The following SPINK13 variants were observed in gnomAD, a reference collection of about 807,000 sequenced individuals.
The protein encoded by SPINK13 is serine protease inhibitor Kazal-type 13.
A neutral mutation model predicts 11.0 loss-of-function variants in SPINK13; 11 were observed. The observed-to-expected ratio is 1.00, with a 90% CI of 0.63 to 1.65. SPINK13 has a LOEUF of 1.65. Among genes scored for constraint, SPINK13 ranks in the 40% most tolerant of loss-of-function variants. The pLI, the probability that SPINK13 is intolerant of heterozygous loss-of-function variation, is 0.00. For synonymous variants in SPINK13, 31 were observed against 35.6 expected, an observed-to-expected ratio of 0.87 and a Z score of 0.46; for missense variants, 113 against 117.7, an observed-to-expected ratio of 0.96 and a Z score of 0.19.
intron 1 of SPINK13, among the ~76,000 whole-genome samples, chr5:148,269,157 G>A (rs1396344537): frequency 6.6e-6 from 1 of 152,180 alleles, no homozygotes; most frequent in Non-Finnish European, 1.5e-5. Context: ...TTCTCCCTGG[G>A]CCTAAATATT....
At chr5:148,272,185 T>C (rs1756361081) in intron 2 of SPINK13, among the ~76,000 whole-genome samples, 1 of 152,162 alleles carries the variant, frequency 6.6e-6, no homozygotes, top group South Asian at 2.1e-4. Context: ...AATATTCTTA[T>C]ACATGTTTTT....
intron 2 of SPINK13, among the ~76,000 whole-genome samples, chr5:148,273,050 A>G (rs1756373748): frequency 1.3e-5 from 2 of 152,126 alleles, no homozygotes; most frequent in Non-Finnish European, 2.9e-5. Context: ...TTTAATTAGC[A>G]TTTTTCTTAG....
intron 3 of SPINK13, among the ~76,000 whole-genome samples, chr5:148,279,897 T>C (rs1353635570): frequency 6.6e-6 from 1 of 152,186 alleles, no homozygotes; most frequent in Non-Finnish European, 1.5e-5. Flanking sequence ...GGTTCCATTC[T>C]CCCCATCACT....
At chr5:148,275,860 AC>A (rs1440924743) in intron 3 of SPINK13, among the ~76,000 whole-genome samples, 4 of 151,812 alleles carry the variant, frequency 2.6e-5, no homozygotes, top group African/African-American at 9.7e-5. Flanking sequence ...ACGGGGTTTC[AC>A]CATGTTAGCC....
intron 2 of SPINK13, among the ~76,000 whole-genome samples, chr5:148,271,912 C>T (rs145237170): frequency 0.038 from 5,808 of 152,274 alleles, 375 homozygotes; most frequent in African/African-American, 0.13. Context: ...CGTGAGCCAC[C>T]ACGCCTGGCC....
chr5:148,284,465 T>G (rs544602409), intron 4 of SPINK13, among the ~76,000 whole-genome samples: 1 of 152,320 alleles, frequency 6.6e-6, no homozygotes, highest in East Asian at 1.9e-4. Context: ...TTCAGTAACA[T>G]TGTAGCCAAT....
chr5:148,269,961 A>G (rs1429975728), intron 1 of SPINK13, 79 bp from the exon 2 acceptor site: 12 of 987,526 alleles, frequency 1.2e-5, no homozygotes, highest in Non-Finnish European at 1.9e-5. Context: ...GAATGGTATC[A>G]CCTTAGGGTA....
intron 3 of SPINK13, among the ~76,000 whole-genome samples, chr5:148,279,376 A>G (rs1756479875): frequency 6.6e-6 from 1 of 151,906 alleles, no homozygotes; most frequent in Admixed American, 6.6e-5. Flanking sequence ...CATAGTGTTG[A>G]TGGTCTTTAC....
At position 148,281,976 on chromosome 5, in the gene SPINK13, T is replaced by C; in HGVS notation, c.109-128T>C. 2.3e-6 allele frequency: 3 copies of C among 1,328,056 alleles called. No individual in the cohort carries two copies. The South Asian group carries it at 4.4e-5, about 19-fold the overall frequency. 82.3% of individuals were successfully genotyped at this position (1,328,056 alleles called of 1,614,324 possible). On this transcript the variant is annotated intron_variant, in intron 3 of 4. Transcript: ENST00000398450. ...GGCCTGACAGAAGGCCACAGAACAG[T>C]GAATCCTTGATAAGATCAATTGACT...
intron 3 of SPINK13, 55 bp downstream of exon 3, chr5:148,274,439 A>T: frequency 7.0e-7 from 1 of 1,426,742 alleles, no homozygotes; most frequent in East Asian, 2.3e-5. Context: ...CACTCTCCAG[A>T]CATGAGAGAT....
chr5:148,279,579 C>A (rs1046147712), intron 3 of SPINK13, among the ~76,000 whole-genome samples: 26 of 152,120 alleles, frequency 1.7e-4, no homozygotes, highest in Admixed American at 1.7e-3. Flanking sequence ...GTTGAAAATT[C>A]TTTTCTTTAA....
chr5:148,274,290 T>C (rs1756392436), intron 2 of SPINK13, 57 bp from the exon 3 acceptor site: 5 of 1,313,278 alleles, frequency 3.8e-6, no homozygotes, highest in African/African-American at 1.4e-5. Flanking sequence ...GTAGGTGATG[T>C]TATATCCCAT....
At chr5:148,271,489 A>G (rs1380333345) in intron 2 of SPINK13, among the ~76,000 whole-genome samples, 2 of 152,112 alleles carry the variant, frequency 1.3e-5, no homozygotes, top group Non-Finnish European at 2.9e-5. Flanking sequence ...CAAAATTCTT[A>G]CTTCAGTTTC....
At chr5:148,284,143 ATTCCTTCCTTCT>A (rs774801901) in intron 4 of SPINK13, among the ~76,000 whole-genome samples, 3 of 107,694 alleles carry the variant, frequency 2.8e-5, no homozygotes, top group Admixed American at 8.4e-5. Flanking sequence ...TCCTTCATCA[ATTCCTTCCTTCT>A]TTCCTTCCTT....
At chr5:148,276,041 A>T (rs1756423207) in intron 3 of SPINK13, among the ~76,000 whole-genome samples, 1 of 152,136 alleles carries the variant, frequency 6.6e-6, no homozygotes, top group Non-Finnish European at 1.5e-5. Context: ...CATTTCTCTG[A>T]TGACCAGTGA....
chr5:148,285,813 A>G (rs373304269), intron 4 of SPINK13, among the ~76,000 whole-genome samples, 187 bp from the exon 5 acceptor site: 1 of 152,158 alleles, frequency 6.6e-6, no homozygotes, highest in South Asian at 2.1e-4. Context: ...AATAATCAAG[A>G]CATGGAGAAA....
At chr5:148,278,496 T>C (rs1226984172) in intron 3 of SPINK13, among the ~76,000 whole-genome samples, 1 of 152,126 alleles carries the variant, frequency 6.6e-6, no homozygotes, top group East Asian at 1.9e-4. Context: ...TTTCAAAGAA[T>C]ATCTTTATTT....
chr5:148,282,325 A>G, intron 4 of SPINK13, 94 bp downstream of exon 4: 3 of 1,456,776 alleles, frequency 2.1e-6, no homozygotes, highest in Non-Finnish European at 2.8e-6. Context: ...TTACTGATGC[A>G]TACTTTTTTT....
chr5:148,279,284 G>C lies in SPINK13; in HGVS notation c.109-2820G>C, dbSNP rs570962157. On this transcript the variant is annotated intron_variant, in intron 3 of 4. Transcript: ENST00000398450. ...GGGCATTTAGCCCATTTACATTTAA[G>C]GTTAATATTGTTATATGTAAATTTG... Among the ~76,000 whole-genome samples the C allele has an allele frequency of 7.6e-4, 116 of 151,886 alleles. 1 individual carries two copies. Among genetic ancestry groups the C allele is most frequent in the Admixed American group, 7.4e-3 (112 of 15,238 alleles).
Sources: gnomAD v4.1 joint callset for allele counts (sites outside exome capture counted in the v4.1 genomes callset) on GRCh38, gnomAD v4.1.1 for gene constraint, MANE v1.5 for transcripts, NCBI Gene and HGNC (gene_info 2026-07-23, HGNC 2026-07-21) for gene names.